BOD1L1: variants seen among roughly 807,000 people sequenced by gnomAD.
BOD1L1 encodes the protein biorientation of chromosomes in cell division 1 like 1, also known as biorientation of chromosomes in cell division protein 1-like 1.
BOD1L1 carries 86 observed loss-of-function variants against 240.7 expected under a neutral mutation model. That is an observed-to-expected ratio of 0.36 (90% CI 0.30 to 0.43). The LOEUF (loss-of-function observed/expected upper bound fraction) is 0.43. Among genes scored for constraint, BOD1L1 ranks in the 20% least tolerant of loss-of-function variants. The pLI is 1.00. For synonymous variants in BOD1L1, 1,268 were observed against 1,272.3 expected (o/e 1.00, Z 0.07); for missense variants, 3,554 against 3,643.5 (o/e 0.98, Z 0.63).
At chr4:13,611,929 A>G (rs1203503090) in intron 5 of BOD1L1, among the ~76,000 whole-genome samples, 1 of 152,206 alleles carries the variant, frequency 6.6e-6, no homozygotes, top group African/African-American at 2.4e-5. Flanking sequence ...ACTTCCTACC[A>G]TGTACTCTTA....
chr4:13,603,990 A>G lies in BOD1L1; in HGVS notation c.2910T>C (p.Val970=), dbSNP rs1715453708. Residue 970 remains valine (V), a synonymous_variant, in exon 10 of 26, where the codon GTT becomes GTC. Coordinates refer to ENST00000040738, the MANE Select transcript of BOD1L1 (RefSeq NM_148894.3). ...AAGAAGCAGTCTCTAATACAGGTTC[A>G]ACACCAGTTTCTTCAAAAGGTTTGT... ...VEDKPFEETG[V]EPVLETASSS... 6.2e-7 allele frequency: 1 copy of G among 1,613,750 alleles called. No homozygotes were observed. Among genetic ancestry groups the G allele is most frequent in the Admixed American group, 1.7e-5 (1 of 59,996 alleles).
chr4:13,581,047 G>C lies in BOD1L1; in HGVS notation c.8676C>G (p.Asp2892Glu). ...PVETTLKMKDDSKTDTGIVTV... is the reference protein window; with the variant it reads ...PVETTLKMKDESKTDTGIVTV... Reference sequence around the variant, plus strand: ...TGACAATGCCAGTATCTGTTTTGGAGTCGTCTTCTAAAAAAAAAAAATTCA... The same window carrying C: ...TGACAATGCCAGTATCTGTTTTGGACTCGTCTTCTAAAAAAAAAAAATTCA... The change falls in exon 21 of 26, where the codon GAC becomes GAG. Residue 2892 changes from aspartate (D) to glutamate (E), a missense_variant. Asp to Glu is a conservative substitution (Grantham distance 45). Coordinates refer to ENST00000040738, the MANE Select transcript of BOD1L1 (RefSeq NM_148894.3). 1.3e-6 allele frequency: 2 copies of C among 1,570,642 alleles called. No individual in the cohort carries two copies. Among genetic ancestry groups the C allele is most frequent in the South Asian group, 1.2e-5 (1 of 84,952 alleles).
In BOD1L1 at chr4:13,601,762, T is replaced by C; in HGVS notation, c.5138A>G (p.Asn1713Ser). ...SSEEVDGSQG[N>S]MMRMGPKKET... ...TTTTTTGGGACCCATTCTCATCATA[T>C]TTCCCTGGGAGCCATCCACCTCTTC... Residue 1713 changes from asparagine to serine, a missense_variant, in exon 10 of 26, where the codon AAT becomes AGT. Transcript: ENST00000040738. The C allele has an allele frequency of 6.2e-7, 1 of 1,613,972 alleles. No individual in the cohort carries two copies. Among genetic ancestry groups the C allele is most frequent in the Non-Finnish European group, 8.5e-7 (1 of 1,179,872 alleles).
intron 5 of BOD1L1, among the ~76,000 whole-genome samples, chr4:13,611,863 G>T: frequency 6.6e-6 from 1 of 152,190 alleles, no homozygotes; most frequent in Non-Finnish European, 1.5e-5. Flanking sequence ...ATAACTGGAA[G>T]GTAATTTGCT....
At chr4:13,625,380 C>T (rs1368489955) in intron 1 of BOD1L1, 1 of 152,182 alleles carries the variant, frequency 6.6e-6, no homozygotes, top group Non-Finnish European at 1.5e-5. Flanking sequence ...AAGGTCCTAA[C>T]TTTCATTAGA....
chr4:13,605,868 T>C (rs1296874043), intron 9 of BOD1L1, among the ~76,000 whole-genome samples: 1 of 152,120 alleles, frequency 6.6e-6, no homozygotes, highest in South Asian at 2.1e-4. Context: ...TGTTTATGTA[T>C]TCAAAAAAAG....
intron 25 of BOD1L1, among the ~76,000 whole-genome samples, chr4:13,574,625 C>G (rs998847385): frequency 1.3e-5 from 2 of 152,158 alleles, no homozygotes; most frequent in Admixed American, 1.3e-4. Context: ...TAAAGGGAAG[C>G]AGTAATTCTG....
At position 13,614,520 on chromosome 4, in the gene BOD1L1, G is replaced by A. The variant is rs1716424615; in HGVS notation, c.850C>T (p.Pro284Ser). 6.2e-7 allele frequency: 1 copy of A among 1,613,832 alleles called. No individual in the cohort carries two copies. Among genetic ancestry groups the A allele is most frequent in the Non-Finnish European group, 8.5e-7 (1 of 1,179,886 alleles). The change falls in exon 4 of 26, where the codon CCC becomes TCC. Residue 284 changes from proline (P) to serine (S), a missense_variant. Around this residue, in one of 2 missense-constraint regions of BOD1L1, gnomAD observed 3,393 missense variants for 3,427.1 expected, o/e 0.99. Coordinates refer to ENST00000040738, the MANE Select transcript of BOD1L1 (RefSeq NM_148894.3). ...TTTTTAATTTCTTCGACTGGACAGGGGAGGTCGCTGAACTCTTCAGACTTT... is the reference window on the plus strand; with the variant it reads ...TTTTTAATTTCTTCGACTGGACAGGAGAGGTCGCTGAACTCTTCAGACTTT... ...APKSEEFSDL[P>S]CPVEEIKNYT...
chr4:13,588,814 GA>G (rs142952587), intron 14 of BOD1L1, 22 bp from the exon 15 acceptor site: 85 of 1,488,004 alleles, frequency 5.7e-5, no homozygotes, highest in Admixed American at 1.7e-4. Flanking sequence ...ATACAAAAAA[GA>G]AAAAAAAATC....
intron 9 of BOD1L1, among the ~76,000 whole-genome samples, chr4:13,605,936 T>C (rs1273937896): frequency 6.6e-6 from 1 of 152,212 alleles, no homozygotes; most frequent in Non-Finnish European, 1.5e-5. Flanking sequence ...TGGCACTAAG[T>C]AGGCGATTAA....
Position 13,602,073 on chromosome 4 carries a change from G to C in BOD1L1, c.4827C>G (p.Ser1609Arg). Reference sequence around the variant, plus strand: ...ACTCCCCACTTTCCCCTTCCTTAGTGCTTGTGAGGAAGGTTTCACTTTCAG... The same window carrying C: ...ACTCCCCACTTTCCCCTTCCTTAGTCCTTGTGAGGAAGGTTTCACTTTCAG... Reference protein sequence around the residue: ...GFAESETFLTSTKEGESGECA... With the variant: ...GFAESETFLTRTKEGESGECA... The change falls in exon 10 of 26, where the codon AGC becomes AGG. Residue 1609 changes from serine (S) to arginine (R), a missense_variant. Physicochemically the swap from Ser to Arg is moderately radical, Grantham distance 110 (BLOSUM62 -1). Coordinates refer to ENST00000040738, the MANE Select transcript of BOD1L1 (RefSeq NM_148894.3). 6.2e-7 allele frequency: 1 copy of C among 1,613,996 alleles called. No individual in the cohort carries two copies. The highest frequency in any genetic ancestry group is 8.5e-7 in the Non-Finnish European group (1 of 1,179,900).
chr4:13,611,137 G>T lies in BOD1L1; in HGVS notation c.1325-37C>A, dbSNP rs914376850. On this transcript the variant is annotated intron_variant, in intron 5 of 25. Coordinates refer to ENST00000040738, the MANE Select transcript of BOD1L1 (RefSeq NM_148894.3). ...TTAATAGAAAGAGGAGTATGTCTGTGAATTAGCATAAAATCAACATTATGC... is the reference window on the plus strand; with the variant it reads ...TTAATAGAAAGAGGAGTATGTCTGTTAATTAGCATAAAATCAACATTATGC... 1.4e-5 allele frequency: 20 copies of T among 1,465,924 alleles called. No individual in the cohort carries two copies. The East Asian group carries it at 4.3e-4, about 32-fold the overall frequency. 90.8% of individuals were successfully genotyped at this position (1,465,924 alleles called of 1,614,324 possible).
Position 13,577,554 on chromosome 4 carries a change from A to G in BOD1L1, c.8799+28T>C, listed in dbSNP as rs761413602. 12 of 1,586,890 alleles carry G rather than the reference A, an allele frequency of 7.6e-6. No homozygotes were observed. In the South Asian group the frequency reaches 7.9e-5, roughly 11 times the overall value. ...GCATTTAAGTTGATTTCTAAACAAC[A>G]TATCTTGATAAGAAATTTAACACTT... On this transcript the variant is annotated intron_variant, in intron 23 of 25. Coordinates refer to ENST00000040738, the MANE Select transcript of BOD1L1 (RefSeq NM_148894.3).
At chr4:13,588,336 T>C (rs1560187661) in intron 15 of BOD1L1, among the ~76,000 whole-genome samples, 1 of 152,246 alleles carries the variant, frequency 6.6e-6, no homozygotes, top group Admixed American at 6.5e-5. Context: ...ATTTCAATAA[T>C]TCTAAAACGC....
intron 25 of BOD1L1, among the ~76,000 whole-genome samples, chr4:13,573,306 G>A (rs1712365750): frequency 6.6e-6 from 1 of 152,082 alleles, no homozygotes; most frequent in South Asian, 2.1e-4. Context: ...TTTTCAATTT[G>A]AGGCTCAGTA....
intron 9 of BOD1L1, among the ~76,000 whole-genome samples, chr4:13,606,518 T>A (rs1715713493): frequency 6.6e-6 from 1 of 152,116 alleles, no homozygotes; most frequent in Non-Finnish European, 1.5e-5. Context: ...ACGAAAATAA[T>A]CCTGAAAGGG....
intron 5 of BOD1L1, among the ~76,000 whole-genome samples, chr4:13,611,382 A>C (rs1030966935): frequency 6.6e-6 from 1 of 152,240 alleles, no homozygotes; most frequent in Admixed American, 6.5e-5. Context: ...TTTCTGGAGC[A>C]AAGAATGATT....
chr4:13,619,854 T>C, intron 2 of BOD1L1, 89 bp downstream of exon 2: 1 of 1,438,194 alleles, frequency 7.0e-7, no homozygotes, highest in East Asian at 2.4e-5. Flanking sequence ...CATCATTAGG[T>C]GAACAAATAT....
At chr4:13,625,230 T>C (rs182359372) in intron 1 of BOD1L1, 5 of 152,308 alleles carry the variant, frequency 3.3e-5, no homozygotes, top group East Asian at 3.9e-4. Context: ...AACATTAAAA[T>C]AGGTTCTTAT....
Sources: allele counts gnomAD v4.1 joint callset (sites outside exome capture counted in the v4.1 genomes callset), GRCh38; gene constraint gnomAD v4.1.1; regional missense constraint gnomAD v4.1.1; transcripts MANE v1.5; gene names NCBI Gene and HGNC (gene_info 2026-07-23, HGNC 2026-07-21).